VDAC1: variants seen among roughly 807,000 people sequenced by gnomAD.
The protein encoded by VDAC1 is non-selective voltage-gated ion channel VDAC1.
In VDAC1, 10 loss-of-function variants were observed where a neutral mutation model predicts 34.7. The observed-to-expected ratio is 0.29, with a 90% CI of 0.18 to 0.49. The LOEUF (loss-of-function observed/expected upper bound fraction) is 0.49, where lower values mean the gene tolerates loss of function less well. Among genes scored for constraint, VDAC1 ranks in the 20% least tolerant of loss-of-function variants. The pLI, the probability that VDAC1 is intolerant of heterozygous loss-of-function variation, is 0.99. For synonymous variants in VDAC1, 130 were observed against 136.0 expected (o/e 0.96, Z 0.30); for missense variants, 230 against 347.9 (o/e 0.66, Z 2.69).
chr5:134,054,056 G>T, the VDAC1 span, among the ~76,000 whole-genome samples: 2 of 152,174 alleles, frequency 1.3e-5, no homozygotes, highest in Non-Finnish European at 2.9e-5. Flanking sequence ...TAACCATTTG[G>T]TATAAGCAGT....
At chr5:133,992,623 A>C (rs1199859620) in intron 2 of VDAC1, among the ~76,000 whole-genome samples, 1 of 152,236 alleles carries the variant, frequency 6.6e-6, no homozygotes, top group Admixed American at 6.5e-5. Context: ...GCAAAGACAC[A>C]GTTACTGGGC....
the VDAC1 span, among the ~76,000 whole-genome samples, chr5:134,095,313 C>G: frequency 6.6e-6 from 1 of 151,772 alleles, no homozygotes; most frequent in African/African-American, 2.4e-5. Context: ...GAGATCCCAT[C>G]TCTACAAAAA....
the VDAC1 span, among the ~76,000 whole-genome samples, chr5:134,030,529 A>T: frequency 2.0e-5 from 3 of 152,046 alleles, no homozygotes; most frequent in Non-Finnish European, 4.4e-5. Flanking sequence ...AGCTCTAATA[A>T]TAAGAAAGCT....
chr5:133,990,763 C>CCAAAA (rs1753075002), intron 5 of VDAC1, 92 bp downstream of exon 5: 10 of 1,431,418 alleles, frequency 7.0e-6, no homozygotes, highest in Non-Finnish European at 9.4e-6. Context: ...ATTTTAGGTG[C>CCAAAA]TGTCAGCCCC....
At chr5:134,085,759 T>G in the VDAC1 span, among the ~76,000 whole-genome samples, 3 of 59,226 alleles carry the variant, frequency 5.1e-5, no homozygotes, top group Non-Finnish European at 1.3e-4. Context: ...AAAAATTTCA[T>G]TAGCTGAGTA....
intron 5 of VDAC1, among the ~76,000 whole-genome samples, chr5:133,986,350 T>C (rs1752904184): frequency 6.6e-6 from 1 of 152,188 alleles, no homozygotes; most frequent in Non-Finnish European, 1.5e-5. Context: ...CACCAGAACT[T>C]TCCTCAAATA....
the VDAC1 span, among the ~76,000 whole-genome samples, chr5:134,110,539 C>T: frequency 6.6e-6 from 1 of 152,238 alleles, no homozygotes; most frequent in Non-Finnish European, 1.5e-5. Flanking sequence ...GAAAGCAAAC[C>T]GTGTTTCTAG....
chr5:134,056,821 G>C, the VDAC1 span, among the ~76,000 whole-genome samples: 1 of 152,154 alleles, frequency 6.6e-6, no homozygotes, highest in African/African-American at 2.4e-5. Flanking sequence ...GAGTAGCTGA[G>C]ATTACAGGCA....
intron 3 of VDAC1, among the ~76,000 whole-genome samples, chr5:133,991,623 A>G (rs373733005): frequency 8.7e-4 from 132 of 152,290 alleles, no homozygotes; most frequent in African/African-American, 3.0e-3. Flanking sequence ...ACTAAAACTG[A>G]GACCTGACCC....
the VDAC1 span, among the ~76,000 whole-genome samples, chr5:134,080,489 G>A: frequency 1.3e-5 from 2 of 151,952 alleles, no homozygotes; most frequent in African/African-American, 4.8e-5. Flanking sequence ...AAGCCTCCAC[G>A]GAGGTACAGT....
chr5:134,011,641 T>C, the VDAC1 span, among the ~76,000 whole-genome samples: 1 of 48,082 alleles, frequency 2.1e-5, no homozygotes, highest in South Asian at 4.7e-4. Flanking sequence ...CACAAGTTCT[T>C]TTTTTTTTTT....
intron 5 of VDAC1, among the ~76,000 whole-genome samples, chr5:133,985,364 A>C (rs546614902): frequency 8.5e-5 from 13 of 152,230 alleles, no homozygotes; most frequent in Non-Finnish European, 1.5e-4. Flanking sequence ...TCTCTCAATA[A>C]GAAAAATCCA....
chr5:134,093,369 G>T, the VDAC1 span, among the ~76,000 whole-genome samples: 1 of 152,094 alleles, frequency 6.6e-6, no homozygotes, highest in Non-Finnish European at 1.5e-5. Context: ...GTGTGTGTGT[G>T]TGTGTCCAGA....
the VDAC1 span, among the ~76,000 whole-genome samples, chr5:134,059,245 CCAA>C: frequency 5.9e-5 from 9 of 152,172 alleles, no homozygotes; most frequent in Non-Finnish European, 1.2e-4. Flanking sequence ...TCCCCACCAG[CCAA>C]CGTGAGGCTC....
the VDAC1 span, among the ~76,000 whole-genome samples, chr5:134,077,097 G>C: frequency 6.6e-6 from 1 of 151,984 alleles, no homozygotes; most frequent in Non-Finnish European, 1.5e-5. Context: ...TGACCAACAT[G>C]GCGAAACCGT....
At chr5:133,990,618 C>T (rs1330865381) in intron 5 of VDAC1, among the ~76,000 whole-genome samples, 3 of 152,178 alleles carry the variant, frequency 2.0e-5, no homozygotes, top group African/African-American at 7.2e-5. Flanking sequence ...ACTTAGAAAT[C>T]GTTTGTTGGG....
the VDAC1 span, among the ~76,000 whole-genome samples, chr5:134,051,219 T>C: frequency 5.9e-5 from 9 of 152,300 alleles, no homozygotes; most frequent in Admixed American, 2.6e-4. Flanking sequence ...GGCCAGGCCC[T>C]AACTCCAACT....
chr5:134,015,875 C>T, the VDAC1 span, among the ~76,000 whole-genome samples: 3 of 152,124 alleles, frequency 2.0e-5, no homozygotes, highest in African/African-American at 7.2e-5. Context: ...GAACTCCTGA[C>T]CTTGTGATCT....
the VDAC1 span, among the ~76,000 whole-genome samples, chr5:134,110,752 G>T: frequency 6.6e-6 from 1 of 152,208 alleles, no homozygotes; most frequent in Non-Finnish European, 1.5e-5. Context: ...AATCCATCTG[G>T]GGCTCCTTTG....
Sources: allele counts gnomAD v4.1 joint callset (sites outside exome capture counted in the v4.1 genomes callset), GRCh38; gene constraint gnomAD v4.1.1; transcripts MANE v1.5; gene names NCBI Gene and HGNC (gene_info 2026-07-23, HGNC 2026-07-21).